Variants in GLP2R observed in about 807,000 individuals in gnomAD.
The protein encoded by GLP2R is glucagon like peptide 2 receptor.
In GLP2R, 59 loss-of-function variants were observed where a neutral mutation model predicts 68.2. The ratio of observed to expected loss-of-function variants is 0.87; its 90% CI spans 0.70 to 1.07. The LOEUF is 1.07. GLP2R is among the 50% of genes least tolerant of loss of function. The pLI is 0.00. For synonymous variants in GLP2R, 270 were observed against 265.4 expected (o/e 1.02, Z -0.17); for missense variants, 548 against 677.4 (o/e 0.81, Z 2.12).
chr17:9,876,763 C>A (rs2067145461), intron 10 of GLP2R, among the ~76,000 whole-genome samples: 1 of 152,128 alleles, frequency 6.6e-6, no homozygotes, highest in Admixed American at 6.5e-5. Context: ...ACGTTCTGAA[C>A]CACATCAGCA....
At chr17:9,829,351 A>G (rs150434852) in intron 1 of GLP2R, among the ~76,000 whole-genome samples, 2,747 of 151,080 alleles carry the variant, frequency 0.018, 94 homozygotes, top group African/African-American at 0.063. Context: ...GTGAGGGTAG[A>G]CAGTTTGGCA....
intron 9 of GLP2R, among the ~76,000 whole-genome samples, chr17:9,868,067 T>C (rs549442730): frequency 1.3e-5 from 2 of 152,320 alleles, no homozygotes; most frequent in Non-Finnish European, 2.9e-5. Context: ...CTGCTTTAAA[T>C]GGTGATAATA....
At chr17:9,850,115 G>A (rs939621682) in intron 4 of GLP2R, among the ~76,000 whole-genome samples, 3 of 152,150 alleles carry the variant, frequency 2.0e-5, no homozygotes, top group Admixed American at 6.5e-5. Flanking sequence ...GAGAGTACCT[G>A]TTTCCTCGTT....
At chr17:9,854,417 G>A in intron 4 of GLP2R, 78 bp from the exon 5 acceptor site, 1 of 845,128 alleles carries the variant, frequency 1.2e-6, no homozygotes, top group East Asian at 2.4e-5. Context: ...GGCCCTTGGT[G>A]GCCCTGGGTG....
intron 4 of GLP2R, among the ~76,000 whole-genome samples, chr17:9,845,748 C>CGTGTGTGT (rs60266643): frequency 0.011 from 1,640 of 148,452 alleles, 11 homozygotes; most frequent in Non-Finnish European, 0.017. Context: ...TGTGTGTGTG[C>CGTGTGTGT]GTGTGTGTGT....
chr17:9,874,432 G>T (rs1466352623), intron 10 of GLP2R, among the ~76,000 whole-genome samples: 1 of 152,146 alleles, frequency 6.6e-6, no homozygotes. Flanking sequence ...AGCCTAAGGG[G>T]AAGGGATCAC....
At chr17:9,849,102 A>T (rs2066868270) in intron 4 of GLP2R, among the ~76,000 whole-genome samples, 1 of 151,642 alleles carries the variant, frequency 6.6e-6, no homozygotes, top group African/African-American at 2.4e-5. Context: ...TACGTTTAAA[A>T]TTTTAATATA....
chr17:9,839,047 G>T (rs2066759992), intron 3 of GLP2R, among the ~76,000 whole-genome samples: 1 of 152,256 alleles, frequency 6.6e-6, no homozygotes, highest in South Asian at 2.1e-4. Flanking sequence ...GAAGCTGGGT[G>T]TTAGTCACTA....
intron 4 of GLP2R, chr17:9,852,757 G>A (rs2066902838): frequency 1.2e-5 from 3 of 253,512 alleles, no homozygotes; most frequent in South Asian, 1.0e-4. Flanking sequence ...TTTCTCCACT[G>A]CTGCTTTTTC....
intron 5 of GLP2R, among the ~76,000 whole-genome samples, chr17:9,857,008 G>A (rs914769150): frequency 5.3e-5 from 8 of 151,708 alleles, no homozygotes; most frequent in African/African-American, 1.7e-4. Flanking sequence ...TGCAACCTCC[G>A]ACTCCCTGGT....
rs563413485 is a variant in GLP2R at position 9,859,448 on chromosome 17, T to C, written c.766-494T>C. ...CCCTCCTTCCTTCATATTTTGATAT[T>C]ATTGCCAACCTCCCTGAGATGGTCA... On this transcript the variant is annotated intron_variant, in intron 6 of 12. Transcript: ENST00000262441. Among the ~76,000 whole-genome samples, 5 of 151,980 alleles carry C rather than the reference T, an allele frequency of 3.3e-5. No homozygotes were observed. The East Asian group carries it at 9.7e-4, about 29-fold the overall frequency.
intron 11 of GLP2R, among the ~76,000 whole-genome samples, chr17:9,886,870 A>G (rs904838792): frequency 6.6e-6 from 1 of 152,178 alleles, no homozygotes; most frequent in Non-Finnish European, 1.5e-5. Context: ...TTGGAAATGC[A>G]TCCTTTCCTT....
chr17:9,888,559 C>G (rs2067263492), intron 12 of GLP2R, among the ~76,000 whole-genome samples: 1 of 152,166 alleles, frequency 6.6e-6, no homozygotes, highest in South Asian at 2.1e-4. Flanking sequence ...CTCTGCCTCC[C>G]AGATTCAAGC....
At chr17:9,845,750 T>TGTGTGC (rs1441926842) in intron 4 of GLP2R, among the ~76,000 whole-genome samples, 1 of 85,916 alleles carries the variant, frequency 1.2e-5, no homozygotes, top group Non-Finnish European at 2.1e-5. Flanking sequence ...TGTGTGTGCG[T>TGTGTGC]GTGTGTGTGT....
intron 11 of GLP2R, among the ~76,000 whole-genome samples, chr17:9,887,695 G>A (rs943405611): frequency 3.9e-5 from 6 of 152,194 alleles, no homozygotes; most frequent in Non-Finnish European, 5.9e-5. Context: ...CAAACACCTA[G>A]GCTGATATAG....
At chr17:9,882,591 G>T (rs74582129) in intron 11 of GLP2R, among the ~76,000 whole-genome samples, 9,200 of 152,218 alleles carry the variant, frequency 0.06, 936 homozygotes, top group African/African-American at 0.21. Context: ...GCCAGGGAAG[G>T]CTTCAAACTG....
At position 9,891,628 on chromosome 17, in the gene GLP2R, C is replaced by T. The variant is rs950036308; in HGVS notation, c.*1923C>T. 6.6e-6 allele frequency: 1 copy of T among 152,192 alleles called. No homozygotes were observed. The highest frequency in any genetic ancestry group is 1.5e-5 in the Non-Finnish European group (1 of 68,032). 9.4% of individuals were successfully genotyped at this position (152,192 alleles called of 1,614,324 possible). A position where few individuals can be genotyped will look rare whatever the true frequency, so the allele number is the denominator to read the frequency against. ...AATTTTGCACTTGAAATGGGATCCC[C>T]ACTTGTGTCACCCCATAGTCCAGCC... is the stretch of plus-strand genomic sequence containing the variant. On this transcript the variant is annotated 3_prime_UTR_variant, in exon 13 of 13. Transcript: ENST00000262441.
chr17:9,874,900 C>T (rs1243365084), intron 10 of GLP2R, among the ~76,000 whole-genome samples: 1 of 152,172 alleles, frequency 6.6e-6, no homozygotes, highest in Non-Finnish European at 1.5e-5. Flanking sequence ...CACCACCTAC[C>T]TGTTGGGAAG....
chr17:9,827,365 G>A (rs1011490904), intron 1 of GLP2R, among the ~76,000 whole-genome samples: 1 of 152,160 alleles, frequency 6.6e-6, no homozygotes, highest in Non-Finnish European at 1.5e-5. Context: ...CCTATAGACT[G>A]AGGTTCTCTT....
Sources: allele counts gnomAD v4.1 joint callset (sites outside exome capture counted in the v4.1 genomes callset), GRCh38; gene constraint gnomAD v4.1.1; transcripts MANE v1.5; gene names NCBI Gene and HGNC (gene_info 2026-07-23, HGNC 2026-07-21).